Variants in DNAJB6 observed in about 807,000 individuals in gnomAD.
The protein encoded by DNAJB6 is dnaJ homolog subfamily B member 6.
A neutral mutation model predicts 42.7 loss-of-function variants in DNAJB6; 16 were observed. That is an observed-to-expected ratio of 0.37 (90% CI 0.25 to 0.57). The LOEUF is 0.57. DNAJB6 is among the 20% of genes least tolerant of loss of function. DNAJB6 has a pLI of 0.74. For synonymous variants in DNAJB6, 170 were observed against 163.5 expected (o/e 1.04, Z -0.30); for missense variants, 347 against 416.8 (o/e 0.83, Z 1.46).
chr7:157,347,086 A>T (rs1584879824), intron 1 of DNAJB6, among the ~76,000 whole-genome samples: 1 of 151,734 alleles, frequency 6.6e-6, no homozygotes, highest in Non-Finnish European at 1.5e-5. Flanking sequence ...TGATCTCCTG[A>T]CCTCGTGATT....
At chr7:157,340,998 G>GTGTGTGTGTGCGCGCGCGCGCT (rs67210462) in intron 1 of DNAJB6, among the ~76,000 whole-genome samples, 92 of 135,032 alleles carry the variant, frequency 6.8e-4, no homozygotes, top group Non-Finnish European at 9.4e-4. Context: ...GTGTGTGTGT[G>GTGTGTGTGTGCGCGCGCGCGCT]CGCGCGCGCA....
chr7:157,368,694 C>T (rs1352649903), intron 5 of DNAJB6: 1 of 154,202 alleles, frequency 6.5e-6, no homozygotes, highest in Middle Eastern at 3.2e-3. Flanking sequence ...GAGTGGTGCA[C>T]TGGGTGACCT....
chr7:157,405,911 A>C (rs1795751464), intron 8 of DNAJB6, among the ~76,000 whole-genome samples: 1 of 152,216 alleles, frequency 6.6e-6, no homozygotes, highest in South Asian at 2.1e-4. Context: ...TGTAGAAGGC[A>C]GTGGGGTGGG....
At position 157,380,458 on chromosome 7, in the gene DNAJB6, A is replaced by G. The variant is rs1312886433; in HGVS notation, c.347-1788A>G. The stretch of plus-strand genomic sequence containing the variant: ...TGGGGGACGGTAAGGTCTGTTTGCA[A>G]AGTACCTATGACCATCTTACATTAT... On this transcript the variant is annotated intron_variant, in intron 5 of 9. Transcript: ENST00000262177. The G allele has an allele frequency of 2.0e-5, 3 of 152,198 alleles. No homozygotes were observed. In the South Asian group the frequency reaches 6.2e-4, roughly 32 times the overall value. The allele number at this position is 152,198 out of a possible 1,614,324, so 9.4% of individuals were successfully genotyped here. A position where few individuals can be genotyped will look rare whatever the true frequency, so the allele number is the denominator to read the frequency against.
At chr7:157,337,454 C>G (rs544902763) in intron 1 of DNAJB6, 2 of 152,540 alleles carry the variant, frequency 1.3e-5, no homozygotes, top group Admixed American at 1.3e-4. Flanking sequence ...GGGGCCCGGC[C>G]TGGGAGCGGC....
At chr7:157,365,413 T>G (rs1046013881) in intron 3 of DNAJB6, among the ~76,000 whole-genome samples, 1 of 152,228 alleles carries the variant, frequency 6.6e-6, no homozygotes, top group Non-Finnish European at 1.5e-5. Flanking sequence ...ATCCGGGTGG[T>G]CCACTTCGAG....
At chr7:157,390,352 C>T (rs1199646917) in intron 8 of DNAJB6, among the ~76,000 whole-genome samples, 1 of 152,224 alleles carries the variant, frequency 6.6e-6, no homozygotes, top group East Asian at 1.9e-4. Context: ...GTGTTGATGC[C>T]ACACTGCAGT....
chr7:157,348,109 T>A (rs1302147861), intron 1 of DNAJB6, among the ~76,000 whole-genome samples: 1 of 150,894 alleles, frequency 6.6e-6, no homozygotes, highest in Non-Finnish European at 1.5e-5. Flanking sequence ...TTTTATTTTT[T>A]TGAGATGGAG....
intron 8 of DNAJB6, among the ~76,000 whole-genome samples, chr7:157,401,273 C>T (rs773896053): frequency 6.6e-6 from 1 of 152,056 alleles, no homozygotes; most frequent in South Asian, 2.1e-4. Flanking sequence ...GCCTGGAGTG[C>T]GATGGCGCCA....
chr7:157,339,648 A>T (rs10434928), intron 1 of DNAJB6, among the ~76,000 whole-genome samples: 1,446 of 32,592 alleles, frequency 0.044, 15 homozygotes, highest in African/African-American at 0.064. Flanking sequence ...TGTGTGTGTG[A>T]GATGGAGTTT....
At chr7:157,366,913 G>A (rs1212039806) in intron 4 of DNAJB6, among the ~76,000 whole-genome samples, 27 of 152,170 alleles carry the variant, frequency 1.8e-4, no homozygotes, top group Admixed American at 1.8e-3. Context: ...GAAGGGCGTG[G>A]ACTTTGTCCC....
At position 157,348,095 on chromosome 7, in the gene DNAJB6, C is replaced by T. The variant is rs147988194; in HGVS notation, c.-26-10452C>T. On this transcript the variant is annotated intron_variant, in intron 1 of 9. Transcript: ENST00000262177. Reference sequence around the variant, plus strand: ...ACAGGCGTGAGCCACCATGCCTGGCCTTATTTTATTTTTTTGAGATGGAGT... The same window carrying T: ...ACAGGCGTGAGCCACCATGCCTGGCTTTATTTTATTTTTTTGAGATGGAGT... Among the ~76,000 whole-genome samples, 640 of 149,768 alleles carry T rather than the reference C, an allele frequency of 4.3e-3. 5 individuals carry two copies. Among genetic ancestry groups the T allele is most frequent in the African/African-American group, 0.015 (609 of 40,700 alleles).
chr7:157,341,503 TC>T (rs1295949839), intron 1 of DNAJB6, among the ~76,000 whole-genome samples: 1 of 152,198 alleles, frequency 6.6e-6, no homozygotes, highest in Non-Finnish European at 1.5e-5. Flanking sequence ...ATATGATTTT[TC>T]CCCCTTTGAT....
chr7:157,355,141 G>A (rs901775879), intron 1 of DNAJB6, among the ~76,000 whole-genome samples: 5 of 152,102 alleles, frequency 3.3e-5, no homozygotes, highest in Admixed American at 2.0e-4. Flanking sequence ...TAGCGTTCCC[G>A]TAGTTTCTTT....
At position 157,382,998 on chromosome 7, in the gene DNAJB6, T is replaced by G. The variant is rs188972351; in HGVS notation, c.478+621T>G. ...TTCTCTTCACAAAGGAGCTTTTTTT[T>G]TTGTTGTGTTTTGTTTTTAAATTTA... On this transcript the variant is annotated intron_variant, in intron 6 of 9. Transcript: ENST00000262177. Among the ~76,000 whole-genome samples the G allele has an allele frequency of 4.3e-3, 649 of 152,296 alleles. 4 individuals carry two copies. The highest frequency in any genetic ancestry group is 7.1e-3 in the Non-Finnish European group (484 of 68,022).
chr7:157,396,215 C>G (rs1266632635), intron 8 of DNAJB6, among the ~76,000 whole-genome samples: 1 of 152,208 alleles, frequency 6.6e-6, no homozygotes, highest in Non-Finnish European at 1.5e-5. Context: ...TCCCAAAGTG[C>G]TGGGATTACA....
At chr7:157,395,114 C>CGAA (rs567771520) in intron 8 of DNAJB6, among the ~76,000 whole-genome samples, 1 of 151,406 alleles carries the variant, frequency 6.6e-6, no homozygotes, top group African/African-American at 2.4e-5. Context: ...CCCCACCTCC[C>CGAA]AAAAAACCCC....
chr7:157,377,986 T>C (rs1800555147), intron 5 of DNAJB6: 1 of 152,208 alleles, frequency 6.6e-6, no homozygotes, highest in Non-Finnish European at 1.5e-5. Flanking sequence ...TTCTCCTTGA[T>C]ACGGGGTAAC....
chr7:157,375,814 A>G (rs1439545439), intron 5 of DNAJB6, among the ~76,000 whole-genome samples: 2 of 152,156 alleles, frequency 1.3e-5, no homozygotes, highest in Non-Finnish European at 2.9e-5. Context: ...TGCCTTTTGA[A>G]TCTCAAGCGT....
Sources: allele counts gnomAD v4.1 joint callset (sites outside exome capture counted in the v4.1 genomes callset), GRCh38; gene constraint gnomAD v4.1.1; transcripts MANE v1.5; gene names NCBI Gene and HGNC (gene_info 2026-07-23, HGNC 2026-07-21).